ARHGAP12: variants seen among roughly 807,000 people sequenced by gnomAD.
ARHGAP12 encodes the protein Rho GTPase activating protein 12.
In ARHGAP12, 64 loss-of-function variants were observed where a neutral mutation model predicts 108.6. The ratio of observed to expected loss-of-function variants is 0.59; its 90% CI spans 0.48 to 0.73. The LOEUF (loss-of-function observed/expected upper bound fraction) is 0.73. Ranked by LOEUF, ARHGAP12 falls within the 30% of genes least tolerant of loss-of-function variation. The probability of loss-of-function intolerance (pLI) is 0.00; values close to 1 mark genes in which losing one functional copy is unlikely to be tolerated. For synonymous variants in ARHGAP12, 312 were observed against 337.2 expected (o/e 0.93, Z 0.82); for missense variants, 940 against 1,005.9 (o/e 0.93, Z 0.89).
At chr10:31,922,727 C>T (rs1043277402) in intron 1 of ARHGAP12, among the ~76,000 whole-genome samples, 5 of 151,832 alleles carry the variant, frequency 3.3e-5, no homozygotes, top group African/African-American at 9.7e-5. Flanking sequence ...TTACCAAAAA[C>T]GTAAAGAAGT....
chr10:31,912,259 AG>A (rs1320013492), intron 1 of ARHGAP12, among the ~76,000 whole-genome samples: 2 of 152,238 alleles, frequency 1.3e-5, no homozygotes, highest in African/African-American at 4.8e-5. Context: ...GAGATGAGCG[AG>A]GGAATATGCA....
Position 31,854,130 on chromosome 10 carries a change from C to A in ARHGAP12, c.1025G>T (p.Gly342Val), listed in dbSNP as rs983775608. 2 of 1,613,942 alleles carry A rather than the reference C, an allele frequency of 1.2e-6. No homozygotes were observed. The highest frequency in any genetic ancestry group is 1.7e-6 in the Non-Finnish European group (2 of 1,179,916). The change falls in exon 5 of 20, where the codon GGT becomes GTT. Residue 342 changes from glycine (G) to valine (V), a missense_variant. By Grantham distance (109) the Gly-to-Val change is moderately radical (BLOSUM62 -3). Transcript: ENST00000344936. Reference sequence around the variant, plus strand: ...ACGTTCATCCAACTCTTCTGACCAACCCCTTGGAGGAGAACCACACTGACT... The same window carrying A: ...ACGTTCATCCAACTCTTCTGACCAAACCCTTGGAGGAGAACCACACTGACT... ...SDSQCGSPPR[G>V]WSEELDERGH...
chr10:31,884,706 T>C (rs192525603), intron 3 of ARHGAP12, among the ~76,000 whole-genome samples: 1 of 152,360 alleles, frequency 6.6e-6, no homozygotes, highest in Non-Finnish European at 1.5e-5. Context: ...GTTACGCTTA[T>C]CTTCCAAATG....
rs759884929 is a variant in ARHGAP12 at position 31,812,778 on chromosome 10, T to C, written c.1880A>G (p.Lys627Arg). ...TGTAAGAAACTTCTTTAAGTTTTTC[T>C]TGGTTTTTTTCTGTTCTGAAGAATC... ...SIDSSEQKKT[K>R]KNLKKFLTRR... The change falls in exon 15 of 20, where the codon AAG (lysine) becomes AGG (arginine). Residue 627 changes from lysine to arginine, a missense_variant. Transcript: ENST00000344936. The C allele has an allele frequency of 6.2e-7, 1 of 1,609,846 alleles. No individual in the cohort carries two copies. The highest frequency in any genetic ancestry group is 8.5e-7 in the Non-Finnish European group (1 of 1,179,038).
chr10:31,806,522 G>T lies in ARHGAP12; in HGVS notation c.*1136C>A, dbSNP rs1030256074. The T allele has an allele frequency of 6.6e-6, 1 of 152,482 alleles. No homozygotes were observed. Among genetic ancestry groups the T allele is most frequent in the Admixed American group, 6.5e-5 (1 of 15,276 alleles). The allele number at this position is 152,482 out of a possible 1,614,324, so 9.4% of individuals were successfully genotyped here. A position where few individuals can be genotyped will look rare whatever the true frequency, so the allele number is the denominator to read the frequency against. The stretch of plus-strand genomic sequence containing the variant: ...CAACATCCATCTAATTTACAGATGG[G>T]TTTCCACTATTCATACTGGAATTAG... On this transcript the variant is annotated 3_prime_UTR_variant, in exon 20 of 20. Coordinates refer to ENST00000344936, the MANE Select transcript of ARHGAP12 (RefSeq NM_018287.7).
intron 11 of ARHGAP12, among the ~76,000 whole-genome samples, chr10:31,822,192 A>C (rs936867237): frequency 6.6e-6 from 1 of 152,202 alleles, no homozygotes; most frequent in Non-Finnish European, 1.5e-5. Context: ...TGTATTCATC[A>C]CAAAGAAAAC....
chr10:31,895,847 C>T (rs563896881), intron 3 of ARHGAP12, among the ~76,000 whole-genome samples: 1 of 152,214 alleles, frequency 6.6e-6, no homozygotes, highest in South Asian at 2.1e-4. Context: ...CCCAAATGTC[C>T]AACAATGATA....
chr10:31,861,092 G>A (rs1442890885), intron 4 of ARHGAP12, among the ~76,000 whole-genome samples: 1 of 152,100 alleles, frequency 6.6e-6, no homozygotes, highest in East Asian at 1.9e-4. Context: ...AAATATCATC[G>A]GCTTGTGCAG....
intron 4 of ARHGAP12, among the ~76,000 whole-genome samples, chr10:31,858,650 C>T (rs1019429375): frequency 6.6e-6 from 1 of 152,150 alleles, no homozygotes; most frequent in Non-Finnish European, 1.5e-5. Context: ...CCAAATGTCC[C>T]TGAAAGGCGA....
At chr10:31,917,780 T>C (rs11008687) in intron 1 of ARHGAP12, among the ~76,000 whole-genome samples, 413 of 152,316 alleles carry the variant, frequency 2.7e-3, no homozygotes, top group African/African-American at 9.1e-3. Flanking sequence ...AAACACTCTA[T>C]AATGTTTAAA....
intron 1 of ARHGAP12, among the ~76,000 whole-genome samples, chr10:31,916,402 T>C (rs1839557920): frequency 6.6e-6 from 1 of 152,050 alleles, no homozygotes; most frequent in Admixed American, 6.6e-5. Context: ...AGATTCAAAT[T>C]TCCTATCACG....
intron 1 of ARHGAP12, among the ~76,000 whole-genome samples, chr10:31,925,319 GGAATA>G (rs1162449690): frequency 2.0e-5 from 3 of 152,088 alleles, no homozygotes; most frequent in Non-Finnish European, 4.4e-5. Context: ...AGTGAGCAAT[GGAATA>G]ATCTGAAGAA....
chr10:31,889,796 C>T (rs574474954), intron 3 of ARHGAP12, among the ~76,000 whole-genome samples: 1 of 151,564 alleles, frequency 6.6e-6, no homozygotes, highest in South Asian at 2.1e-4. Context: ...ACTGACCAGA[C>T]TGGTCTTGAA....
intron 13 of ARHGAP12, among the ~76,000 whole-genome samples, chr10:31,816,216 C>A (rs1349616341): frequency 1.1e-5 from 1 of 92,092 alleles, no homozygotes; most frequent in African/African-American, 3.9e-5. Context: ...TGTGTAAAAT[C>A]ATCTCTCTTC....
At position 31,807,822 on chromosome 10, in the gene ARHGAP12, T is replaced by C; in HGVS notation, c.2377A>G (p.Asn793Asp). Residue 793 changes from asparagine to aspartate, a missense_variant, in exon 20 of 20, where the codon AAT becomes GAT. Coordinates refer to ENST00000344936, the MANE Select transcript of ARHGAP12 (RefSeq NM_018287.7). ...LFRHLRRVIENGEKNRMTYQS... is the reference protein window; with the variant it reads ...LFRHLRRVIEDGEKNRMTYQS... ...TAGGTCATTCGATTTTTCTCTCCAT[T>C]TTCTATAACTCTGAAGGGAAAAAAA... 6.5e-7 allele frequency: 1 copy of C among 1,531,034 alleles called. No homozygotes were observed. Among genetic ancestry groups the C allele is most frequent in the South Asian group, 1.3e-5 (1 of 76,876 alleles). 94.8% of individuals were successfully genotyped at this position (1,531,034 alleles called of 1,614,324 possible). A position where few individuals can be genotyped will look rare whatever the true frequency, so the allele number is the denominator to read the frequency against.
chr10:31,895,989 A>G (rs1490957006), intron 3 of ARHGAP12, among the ~76,000 whole-genome samples: 2 of 152,140 alleles, frequency 1.3e-5, no homozygotes, highest in Admixed American at 1.3e-4. Context: ...TATCGCAAGC[A>G]CAAAAAACCA....
intron 3 of ARHGAP12, among the ~76,000 whole-genome samples, chr10:31,870,598 A>G (rs1342207224): frequency 6.6e-6 from 1 of 152,202 alleles, no homozygotes; most frequent in Non-Finnish European, 1.5e-5. Context: ...ACAGAGTACA[A>G]AAAGCAAAAA....
intron 1 of ARHGAP12, among the ~76,000 whole-genome samples, chr10:31,921,065 C>T (rs12255074): frequency 0.051 from 7,768 of 151,930 alleles, 658 homozygotes; most frequent in African/African-American, 0.18. Context: ...TCACTTGAGG[C>T]CAAGAGTTCA....
intron 3 of ARHGAP12, among the ~76,000 whole-genome samples, chr10:31,904,732 T>C (rs1021191651): frequency 6.6e-6 from 1 of 152,078 alleles, no homozygotes; most frequent in Admixed American, 6.6e-5. Context: ...GCTCAAATGA[T>C]CCTCCCACCT....
Sources: allele counts gnomAD v4.1 joint callset (sites outside exome capture counted in the v4.1 genomes callset), GRCh38; gene constraint gnomAD v4.1.1; transcripts MANE v1.5; gene names NCBI Gene and HGNC (gene_info 2026-07-23, HGNC 2026-07-21).